SERGEF: variants seen among roughly 807,000 people sequenced by gnomAD.
SERGEF encodes the protein secretion-regulating guanine nucleotide exchange factor.
A neutral mutation model predicts 50.0 loss-of-function variants in SERGEF; 51 were observed. The observed-to-expected ratio is 1.02, with a 90% CI of 0.81 to 1.29. The LOEUF (loss-of-function observed/expected upper bound fraction) is 1.29. SERGEF is among the 50% of genes most tolerant of loss of function. SERGEF has a pLI of 0.00. For synonymous variants in SERGEF, 205 were observed against 212.4 expected (o/e 0.97, Z 0.30); for missense variants, 521 against 557.0 (o/e 0.94, Z 0.65).
chr11:17,936,899 T>C (rs1055424404), intron 9 of SERGEF, among the ~76,000 whole-genome samples: 10 of 152,228 alleles, frequency 6.6e-5, no homozygotes, highest in Non-Finnish European at 1.3e-4. Flanking sequence ...TTTAAAAGTC[T>C]GTATCTTTTC....
intron 10 of SERGEF, among the ~76,000 whole-genome samples, chr11:17,877,479 A>G (rs889198276): frequency 6.6e-6 from 1 of 152,204 alleles, no homozygotes; most frequent in Non-Finnish European, 1.5e-5. Context: ...GGTAGGCACT[A>G]TTGCCCTCCC....
chr11:18,007,848 A>C, intron 2 of SERGEF, 93 bp downstream of exon 2: 2 of 1,301,390 alleles, frequency 1.5e-6, no homozygotes, highest in Non-Finnish European at 2.1e-6. Context: ...TTTCCTCTGC[A>C]AAATACAAAA....
At chr11:17,956,075 A>G (rs1364659379) in intron 9 of SERGEF, among the ~76,000 whole-genome samples, 3 of 152,234 alleles carry the variant, frequency 2.0e-5, no homozygotes, top group Non-Finnish European at 4.4e-5. Context: ...AGAGAGGCCC[A>G]GTATCTAAGG....
At chr11:18,004,349 T>C in intron 4 of SERGEF, 92 bp downstream of exon 4, 1 of 899,438 alleles carries the variant, frequency 1.1e-6, no homozygotes, top group Non-Finnish European at 1.7e-6. Flanking sequence ...TTCTCAGGGA[T>C]CCTGACAGCC....
chr11:17,944,020 C>G (rs1451373474), intron 9 of SERGEF, among the ~76,000 whole-genome samples: 1 of 152,148 alleles, frequency 6.6e-6, no homozygotes, highest in African/African-American at 2.4e-5. Context: ...CTCCACCTCC[C>G]AGGTTCAAGC....
intron 10 of SERGEF, among the ~76,000 whole-genome samples, chr11:17,847,907 A>G (rs887491442): frequency 6.6e-6 from 1 of 152,198 alleles, no homozygotes; most frequent in Non-Finnish European, 1.5e-5. Context: ...ATGAACTGCC[A>G]AGTTTGAGAA....
At chr11:17,831,907 T>C (rs1045983164) in intron 10 of SERGEF, among the ~76,000 whole-genome samples, 1 of 152,152 alleles carries the variant, frequency 6.6e-6, no homozygotes, top group African/African-American at 2.4e-5. Flanking sequence ...TGTAAAAACA[T>C]CTCAAGGCTC....
intron 9 of SERGEF, among the ~76,000 whole-genome samples, chr11:17,893,710 G>A (rs1851574698): frequency 6.6e-6 from 1 of 152,188 alleles, no homozygotes; most frequent in South Asian, 2.1e-4. Context: ...ATGATGTGAT[G>A]AGTACAGCCA....
intron 9 of SERGEF, among the ~76,000 whole-genome samples, chr11:17,909,963 T>C (rs1202131445): frequency 1.3e-5 from 2 of 152,154 alleles, no homozygotes; most frequent in Non-Finnish European, 2.9e-5. Flanking sequence ...ATGCTTCACA[T>C]TTCTTCTCTC....
At chr11:17,799,328 C>T (rs1013656128) in intron 10 of SERGEF, among the ~76,000 whole-genome samples, 3 of 152,220 alleles carry the variant, frequency 2.0e-5, no homozygotes, top group Non-Finnish European at 2.9e-5. Context: ...CCGCGGCCTG[C>T]AAAAACTCTT....
At chr11:17,796,425 C>A (rs947770680) in intron 10 of SERGEF, among the ~76,000 whole-genome samples, 6 of 152,220 alleles carry the variant, frequency 3.9e-5, no homozygotes, top group African/African-American at 1.2e-4. Flanking sequence ...AAGAGGCAAT[C>A]AGGTCATGAG....
At chr11:17,984,990 T>C (rs931397182) in intron 8 of SERGEF, among the ~76,000 whole-genome samples, 6 of 152,204 alleles carry the variant, frequency 3.9e-5, no homozygotes, top group Admixed American at 3.3e-4. Flanking sequence ...TTTTAATAGG[T>C]AATATTACAA....
In SERGEF at chr11:17,992,994, C is replaced by G. The variant is rs762488561; in HGVS notation, c.623-1G>C. ...CACATTGCTTTAGAATTCTCTAGAC[C>G]TACAAAAGAAAAAATGTTCTTCTGA... On this transcript the variant is annotated splice_acceptor_variant, in intron 6 of 10. Transcript: ENST00000265965. LOFTEE classifies it high-confidence loss of function. 1.2e-6 allele frequency: 2 copies of G among 1,613,546 alleles called. No homozygotes were observed. The highest frequency in any genetic ancestry group is 1.1e-5 in the South Asian group (1 of 91,042).
At chr11:17,989,053 G>A (rs1806283124) in intron 7 of SERGEF, among the ~76,000 whole-genome samples, 1 of 152,058 alleles carries the variant, frequency 6.6e-6, no homozygotes, top group South Asian at 2.1e-4. Context: ...CATCTACCAT[G>A]TGTATGAGAC....
chr11:17,841,886 C>A (rs1228276406), intron 10 of SERGEF, among the ~76,000 whole-genome samples: 2 of 152,198 alleles, frequency 1.3e-5, no homozygotes, highest in Non-Finnish European at 2.9e-5. Context: ...TCTCTCCACC[C>A]TACCCACTCC....
At chr11:17,974,085 A>G (rs1853315125) in intron 8 of SERGEF, among the ~76,000 whole-genome samples, 1 of 152,164 alleles carries the variant, frequency 6.6e-6, no homozygotes, top group Non-Finnish European at 1.5e-5. Flanking sequence ...CTAGAGGTCC[A>G]TGGCCTCATG....
intron 6 of SERGEF, among the ~76,000 whole-genome samples, chr11:17,994,490 A>AAG (rs1328883256): frequency 6.6e-6 from 1 of 151,416 alleles, no homozygotes; most frequent in East Asian, 1.9e-4. Context: ...AAAAAAAAAA[A>AAG]AAAAAAAAAT....
At chr11:17,994,100 T>C (rs1251613105) in intron 6 of SERGEF, among the ~76,000 whole-genome samples, 1 of 152,192 alleles carries the variant, frequency 6.6e-6, no homozygotes, top group African/African-American at 2.4e-5. Context: ...ATCTTCAGCA[T>C]ATGAGAAAAC....
intron 6 of SERGEF, 96 bp from the exon 7 acceptor site, chr11:17,993,089 G>A: frequency 1.0e-6 from 1 of 958,260 alleles, no homozygotes; most frequent in Non-Finnish European, 1.6e-6. Flanking sequence ...GCGTGGGAGA[G>A]ACTCAGCCAG....
Sources: allele counts gnomAD v4.1 joint callset (sites outside exome capture counted in the v4.1 genomes callset), GRCh38; gene constraint gnomAD v4.1.1; transcripts MANE v1.5; gene names NCBI Gene and HGNC (gene_info 2026-07-23, HGNC 2026-07-21).